SEMA5A: variants seen among roughly 807,000 people sequenced by gnomAD.
SEMA5A encodes semaphorin 5A, also known as semaphorin-5A.
A neutral mutation model predicts 135.5 loss-of-function variants in SEMA5A; 55 were observed. That is an observed-to-expected ratio of 0.41 (90% CI 0.33 to 0.51). SEMA5A has a LOEUF of 0.51. Among genes scored for constraint, SEMA5A ranks in the 20% least tolerant of loss-of-function variants. The pLI is 0.37. For missense variants in SEMA5A, 1,290 were observed against 1,419.9 expected (o/e 0.91, Z 1.47); for synonymous variants, 580 against 546.5 (o/e 1.06, Z -0.85).
intron 9 of SEMA5A, among the ~76,000 whole-genome samples, chr5:9,197,645 G>A (rs145893713): frequency 1.3e-5 from 2 of 151,918 alleles, no homozygotes; most frequent in East Asian, 3.9e-4. Flanking sequence ...CTTCTCCAAC[G>A]GATGGCGTCT....
In SEMA5A at chr5:9,035,306, C is replaced by A. The variant is rs1022737104; in HGVS notation, c.*7591G>T. ...TGAGATACAGAAACTGTCAATGCAC[C>A]AAGAGCAGTAAGAGAGCACAACATA... On this transcript the variant is annotated 3_prime_UTR_variant, in exon 23 of 23. Coordinates refer to ENST00000382496, the MANE Select transcript of SEMA5A (RefSeq NM_003966.3). 3.3e-5 allele frequency: 5 copies of A among 152,084 alleles called. No individual in the cohort carries two copies. The highest frequency in any genetic ancestry group is 9.7e-5 in the African/African-American group (4 of 41,426). The allele number at this position is 152,084 out of a possible 1,614,324, so 9.4% of individuals were successfully genotyped here.
chr5:9,449,388 G>C (rs929984045), intron 1 of SEMA5A, among the ~76,000 whole-genome samples: 28 of 152,044 alleles, frequency 1.8e-4, no homozygotes, highest in African/African-American at 6.5e-4. Flanking sequence ...GGATATATGG[G>C]GGGGAACAAC....
Position 9,053,208 on chromosome 5 carries a change from A to T in SEMA5A, c.2689+879T>A, listed in dbSNP as rs113957763. ...ATTTCTGGGATGGTGGTGGTGGTGG[A>T]GGCCCCAAGCGCCTGCATCAGCCAC... On this transcript the variant is annotated intron_variant, in intron 19 of 22. Coordinates refer to ENST00000382496, the MANE Select transcript of SEMA5A (RefSeq NM_003966.3). Among the ~76,000 whole-genome samples, 791 of 152,280 alleles carry T rather than the reference A, an allele frequency of 5.2e-3. 13 individuals are homozygous for T. Among genetic ancestry groups the T allele is most frequent in the African/African-American group, 0.018 (765 of 41,550 alleles).
intron 2 of SEMA5A, among the ~76,000 whole-genome samples, chr5:9,380,792 A>G (rs168856): frequency 0.26 from 39,415 of 152,206 alleles, 5,523 homozygotes; most frequent in Middle Eastern, 0.38. Context: ...CTCAAAAAGA[A>G]CAGGAGTGCT....
chr5:9,481,284 C>T (rs1759867262), intron 1 of SEMA5A, among the ~76,000 whole-genome samples: 1 of 152,070 alleles, frequency 6.6e-6, no homozygotes, highest in Non-Finnish European at 1.5e-5. Context: ...TGAAGCAAAT[C>T]CAAGAGCTTT....
chr5:9,143,649 T>C (rs917525385), intron 12 of SEMA5A, among the ~76,000 whole-genome samples: 6 of 152,128 alleles, frequency 3.9e-5, no homozygotes, highest in Admixed American at 2.0e-4. Flanking sequence ...TAAAAAACAG[T>C]GATGGGATTA....
intron 1 of SEMA5A, among the ~76,000 whole-genome samples, chr5:9,441,586 A>T (rs1042815666): frequency 3.3e-5 from 5 of 152,148 alleles, no homozygotes; most frequent in African/African-American, 9.7e-5. Flanking sequence ...CACAAAGGTA[A>T]AAATCTGGAC....
chr5:9,360,531 A>G (rs1203003783), intron 3 of SEMA5A, among the ~76,000 whole-genome samples: 1 of 152,220 alleles, frequency 6.6e-6, no homozygotes, highest in Non-Finnish European at 1.5e-5. Flanking sequence ...AAACAACACG[A>G]TAGCTTACAA....
intron 5 of SEMA5A, among the ~76,000 whole-genome samples, chr5:9,246,027 A>G (rs1052802455): frequency 1.3e-5 from 2 of 152,154 alleles, no homozygotes; most frequent in African/African-American, 4.8e-5. Context: ...ACATTATAAT[A>G]TCTGGTATAA....
At chr5:9,491,057 A>G (rs1322960457) in intron 1 of SEMA5A, among the ~76,000 whole-genome samples, 1 of 152,126 alleles carries the variant, frequency 6.6e-6, no homozygotes, top group African/African-American at 2.4e-5. Context: ...AGGAGTCTCC[A>G]CCCACAGAGA....
At chr5:9,066,753 C>T in intron 16 of SEMA5A, 107 bp from the exon 17 acceptor site, 1 of 860,932 alleles carries the variant, frequency 1.2e-6, no homozygotes, top group Non-Finnish European at 1.8e-6. Flanking sequence ...ACACCAGCTC[C>T]TAAGACACTC....
intron 16 of SEMA5A, among the ~76,000 whole-genome samples, chr5:9,086,232 A>T (rs796545645): frequency 6.6e-6 from 1 of 152,016 alleles, no homozygotes; most frequent in Non-Finnish European, 1.5e-5. Flanking sequence ...GGAAGGTATG[A>T]TTGGTTTTGA....
At chr5:9,228,762 C>T (rs192979389) in intron 6 of SEMA5A, among the ~76,000 whole-genome samples, 14 of 152,304 alleles carry the variant, frequency 9.2e-5, no homozygotes, top group African/African-American at 2.2e-4. Flanking sequence ...GAATGACGCA[C>T]GAGGCATGAA....
intron 13 of SEMA5A, among the ~76,000 whole-genome samples, chr5:9,126,236 G>T (rs965378159): frequency 6.6e-6 from 1 of 152,244 alleles, no homozygotes; most frequent in African/African-American, 2.4e-5. Flanking sequence ...CCTGCAGGTG[G>T]GAGGGAGGAC....
At chr5:9,164,720 G>A (rs190659262) in intron 11 of SEMA5A, among the ~76,000 whole-genome samples, 2 of 152,240 alleles carry the variant, frequency 1.3e-5, no homozygotes, top group South Asian at 2.1e-4. Context: ...GATTTTGGGG[G>A]AAATTCAGAG....
At chr5:9,175,001 C>T (rs1271912599) in intron 11 of SEMA5A, among the ~76,000 whole-genome samples, 4 of 152,202 alleles carry the variant, frequency 2.6e-5, no homozygotes, top group Non-Finnish European at 5.9e-5. Flanking sequence ...TCAAATTATT[C>T]CACATTTTAT....
intron 1 of SEMA5A, among the ~76,000 whole-genome samples, chr5:9,515,512 T>C: frequency 6.6e-6 from 1 of 151,988 alleles, no homozygotes; most frequent in Non-Finnish European, 1.5e-5. Flanking sequence ...AATAGGGGAG[T>C]TGGCAAAGAA....
chr5:9,224,911 A>G (rs374479394), intron 7 of SEMA5A, 24 bp from the exon 8 acceptor site: 2 of 1,595,812 alleles, frequency 1.3e-6, no homozygotes, highest in African/African-American at 1.3e-5. Flanking sequence ...TGAGAGGGAA[A>G]GCAGTTATCT....
chr5:9,227,845 C>T (rs549795260), intron 6 of SEMA5A, among the ~76,000 whole-genome samples: 6 of 152,308 alleles, frequency 3.9e-5, no homozygotes, highest in South Asian at 2.1e-4. Context: ...CCGCCACGCC[C>T]GGCCTGTATA....
Sources: allele counts gnomAD v4.1 joint callset (sites outside exome capture counted in the v4.1 genomes callset), GRCh38; gene constraint gnomAD v4.1.1; transcripts MANE v1.5; gene names NCBI Gene and HGNC (gene_info 2026-07-23, HGNC 2026-07-21).